RGS3: variants seen among roughly 807,000 people sequenced by gnomAD.
The protein encoded by RGS3 is regulator of G protein signaling 3, also known as regulator of G-protein signalling 3.
RGS3 carries 80 observed loss-of-function variants against 132.6 expected under a neutral mutation model. The observed-to-expected ratio is 0.60, with a 90% CI of 0.50 to 0.73. RGS3 has a LOEUF of 0.73. Among genes scored for constraint, RGS3 ranks in the 30% least tolerant of loss-of-function variants. RGS3 has a pLI of 0.00. For missense variants in RGS3, 1,382 were observed against 1,530.8 expected (o/e 0.90, Z 1.62); for synonymous variants, 598 against 620.6 (o/e 0.96, Z 0.54).
chr9:113,533,923 G>A (rs1245842916), intron 18 of RGS3, among the ~76,000 whole-genome samples: 1 of 152,254 alleles, frequency 6.6e-6, no homozygotes, highest in Non-Finnish European at 1.5e-5. Context: ...GGAAGCTGTT[G>A]TTAAGTAGAA....
chr9:113,583,349 G>A, intron 19 of RGS3, 101 bp from the exon 18 acceptor site: 1 of 1,479,990 alleles, frequency 6.8e-7, no homozygotes, highest in East Asian at 2.5e-5. Context: ...TGGGGGCCCG[G>A]GGTTCAGGCC....
Position 113,507,673 on chromosome 9 carries a change from C to G in RGS3, c.1437+35C>G. The G allele has an allele frequency of 7.0e-7, 1 of 1,421,098 alleles. No homozygotes were observed. 88.0% of individuals were successfully genotyped at this position (1,421,098 alleles called of 1,614,324 possible). A position where few individuals can be genotyped will look rare whatever the true frequency, so the allele number is the denominator to read the frequency against. The stretch of plus-strand genomic sequence containing the variant: ...GCTGGTGTGGGGAAGGTGAAGGGTA[C>G]TGGGTCCCTGTGGGAGGCCAGGAAG... On this transcript the variant is annotated intron_variant, in intron 13 of 24. Coordinates refer to ENST00000350696, the Ensembl canonical transcript of RGS3. This position sits in a 1 kb window ranked among gnomAD's most constrained non-coding sequence, Gnocchi z 5.0.
At chr9:113,479,391 C>A in intron 3 of RGS3, 100 bp from the exon 2 acceptor site, 1 of 1,221,048 alleles carries the variant, frequency 8.2e-7, no homozygotes, top group South Asian at 1.3e-5. Flanking sequence ...TGAATGGCTT[C>A]ACATGAACAA....
At chr9:113,526,495 C>T (rs10981807) in intron 17 of RGS3, among the ~76,000 whole-genome samples, 18,142 of 152,198 alleles carry the variant, frequency 0.12, 1,298 homozygotes, top group African/African-American at 0.19. Context: ...CACTTCAAAG[C>T]TCGGCTTTGC....
intron 19 of RGS3, among the ~76,000 whole-genome samples, chr9:113,550,596 G>A (rs939994712): frequency 6.6e-6 from 1 of 152,192 alleles, no homozygotes; most frequent in South Asian, 2.1e-4. Flanking sequence ...AATCTTGCTT[G>A]CCAGGAAACT....
chr9:113,584,527 TA>T (rs1835024630), intron 20 of RGS3, 100 bp downstream of exon 18: 1 of 1,298,748 alleles, frequency 7.7e-7, no homozygotes, highest in African/African-American at 1.5e-5. Flanking sequence ...CCACCCCCAC[TA>T]TCCTGGCAGC....
intron 19 of RGS3, among the ~76,000 whole-genome samples, chr9:113,574,879 A>T (rs1834440989): frequency 6.6e-6 from 1 of 152,180 alleles, no homozygotes; most frequent in South Asian, 2.1e-4. Flanking sequence ...ACAAGGCATC[A>T]GTCACCACTA....
intron 6 of RGS3, 71 bp downstream of exon 4, chr9:113,484,303 G>C (rs1199736341): frequency 4.6e-6 from 2 of 434,500 alleles, no homozygotes; most frequent in Non-Finnish European, 8.4e-6. Flanking sequence ...AGCTCTGTTT[G>C]CCAAATCTAG....
At chr9:113,486,985 G>A (rs975999269) in intron 7 of RGS3, among the ~76,000 whole-genome samples, 7 of 150,896 alleles carry the variant, frequency 4.6e-5, no homozygotes, top group African/African-American at 9.7e-5. Context: ...TCGGATCACC[G>A]ATAGAGACTT....
At chr9:113,528,483 C>G (rs55696921) in intron 17 of RGS3, among the ~76,000 whole-genome samples, 13,266 of 152,256 alleles carry the variant, frequency 0.087, 668 homozygotes, top group Non-Finnish European at 0.097. Context: ...GGAAGCTTTT[C>G]CCAGAAGCTG....
upstream of RGS3, among the ~76,000 whole-genome samples, chr9:113,459,617 G>A (rs1389135132): frequency 6.6e-6 from 1 of 152,140 alleles, no homozygotes; most frequent in African/African-American, 2.4e-5. Context: ...AGGTGTGGTG[G>A]CGCGTGCCTG....
Position 113,591,878 on chromosome 9 carries a change from C to CACTGA in RGS3, c.3080+481_3080+482insACTGA. On this transcript the variant is annotated intron_variant, in intron 21 of 24. Transcript: ENST00000350696. This position sits in a 1 kb window ranked among gnomAD's most constrained non-coding sequence, Gnocchi z 4.4. ...CTGCCGAATCCCGCACTCGCCAAGC[C>CACTGA]TTTCTGGCCACACTCAGGCCTTCTT... 5.9e-6 allele frequency: 1 copy of CACTGA among 170,522 alleles called. No homozygotes were observed. The allele number at this position is 170,522 out of a possible 1,614,324, so 10.6% of individuals were successfully genotyped here.
chr9:113,594,393 C>T (rs746498554), intron 21 of RGS3, 37 bp from the exon 20 acceptor site: 2 of 1,609,800 alleles, frequency 1.2e-6, no homozygotes, highest in Non-Finnish European at 1.7e-6. Context: ...GCGAGTGGGC[C>T]AGGCTGAGCA....
chr9:113,487,403 G>A (rs979441288), intron 7 of RGS3, among the ~76,000 whole-genome samples: 10 of 152,206 alleles, frequency 6.6e-5, no homozygotes, highest in African/African-American at 1.2e-4. Context: ...GAGCCACCGC[G>A]CCCGGCCTGT....
intron 10 of RGS3, among the ~76,000 whole-genome samples, chr9:113,504,099 C>T (rs944538947): frequency 6.6e-6 from 1 of 152,140 alleles, no homozygotes; most frequent in African/African-American, 2.4e-5. Flanking sequence ...TTCCAAGGCC[C>T]TTGGTCACTC....
At chr9:113,476,409 T>G (rs1829995952) in intron 3 of RGS3, among the ~76,000 whole-genome samples, 1 of 151,926 alleles carries the variant, frequency 6.6e-6, no homozygotes, top group African/African-American at 2.4e-5. Flanking sequence ...TGTCAGACAT[T>G]TGGTGGAGTA....
chr9:113,456,948 C>T (rs1294249126), upstream of RGS3, among the ~76,000 whole-genome samples: 3 of 152,068 alleles, frequency 2.0e-5, no homozygotes, highest in Admixed American at 6.6e-5. Flanking sequence ...TACAGGCATG[C>T]GCCACCACAC....
chr9:113,523,372 C>T (rs1419734449), intron 17 of RGS3, among the ~76,000 whole-genome samples: 2 of 152,184 alleles, frequency 1.3e-5, no homozygotes, highest in African/African-American at 4.8e-5. Flanking sequence ...GGGCACTGTA[C>T]TCAGCCTCTC....
At chr9:113,447,490 T>G (rs1038055862) in intron 1 of RGS3, among the ~76,000 whole-genome samples, 2 of 150,790 alleles carry the variant, frequency 1.3e-5, no homozygotes, top group Non-Finnish European at 3.0e-5. Context: ...ATGTATAAAA[T>G]TTTTTGGGGG....
Sources: allele counts gnomAD v4.1 joint callset (sites outside exome capture counted in the v4.1 genomes callset), GRCh38; gene constraint gnomAD v4.1.1; non-coding constraint Gnocchi (gnomAD v3.1); transcripts MANE v1.5; gene names NCBI Gene and HGNC (gene_info 2026-07-23, HGNC 2026-07-21).